Variants in ADAMTS6 observed in about 807,000 individuals in gnomAD.
ADAMTS6 encodes ADAM metallopeptidase with thrombospondin type 1 motif 6, also known as A disintegrin and metalloproteinase with thrombospondin motifs 6.
A neutral mutation model predicts 144.3 loss-of-function variants in ADAMTS6; 23 were observed. The ratio of observed to expected loss-of-function variants is 0.16; its 90% CI spans 0.11 to 0.23. The LOEUF (loss-of-function observed/expected upper bound fraction) is 0.23. ADAMTS6 is among the 10% of genes least tolerant of loss of function. The pLI is 1.00. For missense variants in ADAMTS6, 999 were observed against 1,379.6 expected, an observed-to-expected ratio of 0.72 and a Z score of 4.37; for synonymous variants, 444 against 457.5, an observed-to-expected ratio of 0.97 and a Z score of 0.38.
intron 9 of ADAMTS6, among the ~76,000 whole-genome samples, chr5:65,315,916 T>A (rs2112860312): frequency 6.6e-6 from 1 of 152,312 alleles, no homozygotes; most frequent in East Asian, 1.9e-4. Flanking sequence ...GAAACATTTT[T>A]TTTTTCCTTT....
chr5:65,308,352 T>C (rs1420317581), intron 9 of ADAMTS6, among the ~76,000 whole-genome samples: 1 of 152,174 alleles, frequency 6.6e-6, no homozygotes, highest in Non-Finnish European at 1.5e-5. Context: ...TAGCGGAGTG[T>C]GACTTATAAG....
intron 7 of ADAMTS6, among the ~76,000 whole-genome samples, chr5:65,338,913 G>A (rs1747567230): frequency 6.6e-6 from 1 of 151,516 alleles, no homozygotes; most frequent in South Asian, 2.1e-4. Context: ...ACAGGCCTGA[G>A]AAATAGCCCT....
chr5:65,229,690 C>T (rs78358106), intron 15 of ADAMTS6, among the ~76,000 whole-genome samples: 412 of 152,092 alleles, frequency 2.7e-3, no homozygotes, highest in African/African-American at 8.3e-3. Flanking sequence ...CTTGATCCAG[C>T]AGAAGAAAGA....
intron 14 of ADAMTS6, among the ~76,000 whole-genome samples, chr5:65,252,767 A>G (rs1024470669): frequency 9.9e-5 from 15 of 152,184 alleles, no homozygotes; most frequent in African/African-American, 3.4e-4. Flanking sequence ...GAGGATCAAG[A>G]CTACTATATT....
At chr5:65,274,779 G>A (rs1293749194) in intron 11 of ADAMTS6, among the ~76,000 whole-genome samples, 1 of 152,108 alleles carries the variant, frequency 6.6e-6, no homozygotes, top group Non-Finnish European at 1.5e-5. Context: ...CCACCTCCTG[G>A]GTTCAAGCGA....
chr5:65,316,565 T>C (rs1745019690), intron 9 of ADAMTS6, among the ~76,000 whole-genome samples: 1 of 152,000 alleles, frequency 6.6e-6, no homozygotes, highest in Admixed American at 6.6e-5. Flanking sequence ...ATTTAAAAAA[T>C]GACTAAACAA....
chr5:65,398,870 AAG>A (rs1446634066), intron 7 of ADAMTS6, among the ~76,000 whole-genome samples: 175 of 152,110 alleles, frequency 1.2e-3, no homozygotes, highest in African/African-American at 4.0e-3. Context: ...GAAAGAAAGA[AAG>A]AAAGAAAAAG....
At chr5:65,373,773 C>T (rs371734156) in intron 7 of ADAMTS6, among the ~76,000 whole-genome samples, 4 of 152,152 alleles carry the variant, frequency 2.6e-5, no homozygotes, top group South Asian at 2.1e-4. Flanking sequence ...CCAGCATCAT[C>T]CTGATACCAA....
chr5:65,461,446 T>A (rs1345354734), intron 3 of ADAMTS6, among the ~76,000 whole-genome samples: 1 of 152,210 alleles, frequency 6.6e-6, no homozygotes, highest in Admixed American at 6.5e-5. Context: ...ACTTTGTTGA[T>A]GAAAAATGAG....
At chr5:65,373,767 C>A (rs1331747241) in intron 7 of ADAMTS6, among the ~76,000 whole-genome samples, 2 of 152,130 alleles carry the variant, frequency 1.3e-5, no homozygotes, top group African/African-American at 4.8e-5. Flanking sequence ...ATGAGGCCAG[C>A]ATCATCCTGA....
chr5:65,405,783 G>C (rs572732138), intron 7 of ADAMTS6, among the ~76,000 whole-genome samples: 126 of 152,266 alleles, frequency 8.3e-4, no homozygotes, highest in African/African-American at 2.9e-3. Context: ...CATGAGCATG[G>C]AATGTTCTTC....
intron 7 of ADAMTS6, among the ~76,000 whole-genome samples, chr5:65,404,429 AATG>A (rs1284311562): frequency 6.6e-6 from 1 of 152,058 alleles, no homozygotes; most frequent in Non-Finnish European, 1.5e-5. Context: ...GTTTGCTGAG[AATG>A]ATGGTTTCCA....
chr5:65,235,146 A>T (rs1758567061), intron 15 of ADAMTS6, among the ~76,000 whole-genome samples: 1 of 152,200 alleles, frequency 6.6e-6, no homozygotes, highest in Non-Finnish European at 1.5e-5. Context: ...GAGATCTAAT[A>T]TAGTATAGTT....
chr5:65,163,525 G>T (rs945090124), intron 24 of ADAMTS6, among the ~76,000 whole-genome samples: 12 of 152,180 alleles, frequency 7.9e-5, no homozygotes, highest in African/African-American at 2.9e-4. Flanking sequence ...TGTCATACAA[G>T]ATCACTTTCT....
intron 7 of ADAMTS6, among the ~76,000 whole-genome samples, chr5:65,379,458 A>G (rs1751843352): frequency 6.6e-6 from 1 of 152,216 alleles, no homozygotes; most frequent in African/African-American, 2.4e-5. Flanking sequence ...GGTGATAAAA[A>G]TTATTGTTCT....
intron 9 of ADAMTS6, among the ~76,000 whole-genome samples, chr5:65,327,976 A>T (rs1452136755): frequency 6.6e-6 from 1 of 152,086 alleles, no homozygotes; most frequent in Non-Finnish European, 1.5e-5. Context: ...AATTAGCCAG[A>T]TTTTTAAGTG....
intron 9 of ADAMTS6, among the ~76,000 whole-genome samples, chr5:65,324,239 T>C (rs994525851): frequency 5.3e-5 from 8 of 152,144 alleles, no homozygotes; most frequent in Non-Finnish European, 1.2e-4. Flanking sequence ...TACTGGATAT[T>C]CATATGGAAA....
chr5:65,199,449 G>C (rs192579969), intron 20 of ADAMTS6, among the ~76,000 whole-genome samples: 1 of 152,154 alleles, frequency 6.6e-6, no homozygotes, highest in African/African-American at 2.4e-5. Flanking sequence ...ATATGAGTTA[G>C]TAGAGCTGTG....
chr5:65,371,518 T>C (rs1408965914), intron 7 of ADAMTS6, among the ~76,000 whole-genome samples: 1 of 152,084 alleles, frequency 6.6e-6, no homozygotes, highest in East Asian at 1.9e-4. Context: ...AGAAAGGGTA[T>C]CAGCGATGGA....
Sources: gnomAD v4.1 joint callset for allele counts (sites outside exome capture counted in the v4.1 genomes callset) on GRCh38, gnomAD v4.1.1 for gene constraint, MANE v1.5 for transcripts, NCBI Gene and HGNC (gene_info 2026-07-23, HGNC 2026-07-21) for gene names.